Variants in MUC22 observed in about 807,000 individuals in gnomAD.
MUC22 encodes the protein mucin 22, also known as mucin-22.
Under a neutral mutation model 40.3 loss-of-function variants are expected in MUC22, and 24 were observed. The observed-to-expected ratio is 0.60, with a 90% CI of 0.43 to 0.84. The LOEUF is 0.84. Among genes scored for constraint, MUC22 ranks in the 40% least tolerant of loss-of-function variants. The pLI is 0.00. For synonymous variants in MUC22, 765 were observed against 844.5 expected (o/e 0.91, Z 1.63); for missense variants, 1,926 against 2,130.7 (o/e 0.90, Z 1.89).
chr6:31,008,038 G>A (rs1394883197), upstream of MUC22, among the ~76,000 whole-genome samples: 3 of 152,186 alleles, frequency 2.0e-5, no homozygotes, highest in Admixed American at 6.5e-5. Context: ...GACAGCTCCA[G>A]AATTTCTATG....
exon 2 of MUC22, chr6:31,025,862 C>T: frequency 1.3e-6 from 2 of 1,535,202 alleles, no homozygotes; most frequent in Middle Eastern, 1.7e-4. Context: ...TTTACTATAG[C>T]CTCCACTACA....
At chr6:31,017,370 C>T (rs1345041103) in intron 1 of MUC22, among the ~76,000 whole-genome samples, 1 of 152,164 alleles carries the variant, frequency 6.6e-6, no homozygotes, top group African/African-American at 2.4e-5. Flanking sequence ...CCAATCAGCA[C>T]CCTGTGTCTA....
At chr6:31,022,558 TAAA>T (rs979149103) in intron 1 of MUC22, among the ~76,000 whole-genome samples, 1 of 151,198 alleles carries the variant, frequency 6.6e-6, no homozygotes, top group Non-Finnish European at 1.5e-5. Flanking sequence ...TGGGTAAAAA[TAAA>T]ATTTTTTTCA....
In MUC22 at chr6:31,027,158, C is replaced by T; in HGVS notation, c.1727C>T (p.Thr576Ile). Residue 576 changes from threonine to isoleucine, a missense_variant, in exon 2 of 4, where the codon ACC (threonine) becomes ATC (isoleucine). This residue lies in a region of MUC22 where 1,281 missense variants were observed against 1,337.8 expected (regional missense o/e 0.96). Transcript: ENST00000561890. ...GTCTCCACTGCAAGCTCTGAGGTGA[C>T]CACAGTCTTTGCTGCAGGCTCTGAG... 3 of 1,500,864 alleles carry T rather than the reference C, an allele frequency of 2.0e-6. 1 individual carries two copies. Among genetic ancestry groups the T allele is most frequent in the Non-Finnish European group, 2.7e-6 (3 of 1,124,920 alleles). The allele number at this position is 1,500,864 out of a possible 1,614,324, so 93.0% of individuals were successfully genotyped here.
At chr6:31,035,238 C>G in exon 4 of MUC22, 1 of 407,088 alleles carries the variant, frequency 2.5e-6, no homozygotes, top group South Asian at 5.9e-5. Context: ...GTCTCAGCCT[C>G]TGTTGTGGGG....
At chr6:31,035,117 C>A in exon 4 of MUC22, 1 of 682,658 alleles carries the variant, frequency 1.5e-6, no homozygotes, top group Non-Finnish European at 2.4e-6. Flanking sequence ...AGGATGTGAT[C>A]CATGGAGATG....
In MUC22 at chr6:31,032,903, C is replaced by T. The variant is rs62401674; in HGVS notation, c.5055+322C>T. On this transcript the variant is annotated intron_variant, in intron 3 of 3. Coordinates refer to ENST00000561890, the Ensembl canonical transcript of MUC22. This position sits in a 1 kb window ranked among gnomAD's most constrained non-coding sequence, Gnocchi z 4.1. ...AGAAGCAGCTGGGCGCAGTGGCTCA[C>T]CCCTGTAATTCCAGCACTTTGGAAG... Among the ~76,000 whole-genome samples the T allele has an allele frequency of 0.11, 16,683 of 152,188 alleles. 1,114 individuals are homozygous for T. Among genetic ancestry groups the T allele is most frequent in the Middle Eastern group, 0.17 (51 of 292 alleles).
intron 1 of MUC22, among the ~76,000 whole-genome samples, chr6:31,021,027 G>A (rs1764678558): frequency 9.7e-6 from 1 of 103,284 alleles, no homozygotes; most frequent in Non-Finnish European, 2.2e-5. Flanking sequence ...CTTCTGTGCG[G>A]CCGGAGCCTC....
At chr6:31,006,501 C>T (rs1264460852), upstream of MUC22, among the ~76,000 whole-genome samples, 5 of 152,020 alleles carry the variant, frequency 3.3e-5, no homozygotes, top group Non-Finnish European at 5.9e-5. Flanking sequence ...ATGGTGGATG[C>T]CTGTCATTGT....
rs3084519 is a variant in MUC22 at position 31,020,441 on chromosome 6, C to CTTTTTTTTTT, written c.71-5051_71-5042dup. Among the ~76,000 whole-genome samples the CTTTTTTTTTT allele has an allele frequency of 3.4e-3, 430 of 126,632 alleles. 15 individuals carry two copies. The highest frequency in any genetic ancestry group is 0.017 in the East Asian group (68 of 3,994). The allele number at this position is 126,632 out of a possible 152,430, so 83.1% of individuals were successfully genotyped here. On this transcript the variant is annotated intron_variant, in intron 1 of 3. Transcript: ENST00000561890. Reference sequence around the variant, plus strand: ...GAAGACCTTGCCTCCTGGAAATTGACTTTTTTTTTTTTTTTTTTTGATACG... The same window carrying CTTTTTTTTTT: ...GAAGACCTTGCCTCCTGGAAATTGACTTTTTTTTTTTTTTTTTTTTTTTTTTTTTGATACG...
upstream of MUC22, among the ~76,000 whole-genome samples, chr6:31,008,677 T>A (rs1763672493): frequency 6.6e-6 from 1 of 151,260 alleles, no homozygotes; most frequent in African/African-American, 2.4e-5. Context: ...GCCTCCCAAG[T>A]AGCTGGGATT....
exon 2 of MUC22, chr6:31,027,941 C>A: frequency 2.0e-6 from 3 of 1,534,916 alleles, no homozygotes; most frequent in Non-Finnish European, 2.6e-6. Context: ...GGGACCACTG[C>A]AGCCTCCACT....
At chr6:31,030,773 C>G (rs1766004939) in intron 2 of MUC22, among the ~76,000 whole-genome samples, 1 of 152,180 alleles carries the variant, frequency 6.6e-6, no homozygotes, top group African/African-American at 2.4e-5. Flanking sequence ...GACACTGCCA[C>G]CTCCTATCAA....
At chr6:31,034,487 AAG>A (rs1361330354) in intron 3 of MUC22, among the ~76,000 whole-genome samples, 183 bp from the exon 4 acceptor site, 1 of 152,212 alleles carries the variant, frequency 6.6e-6, no homozygotes, top group Non-Finnish European at 1.5e-5. Flanking sequence ...CAGACGGAGA[AAG>A]AGTAAAAGAA....
At chr6:31,033,191 G>T (rs1289924184) in intron 3 of MUC22, among the ~76,000 whole-genome samples, 1 of 150,754 alleles carries the variant, frequency 6.6e-6, no homozygotes, top group East Asian at 1.9e-4. Flanking sequence ...GAAAAGAAAG[G>T]TAGGAAGGAA....
chr6:31,028,412 C>T (rs923377790), exon 2 of MUC22: 2 of 1,531,542 alleles, frequency 1.3e-6, no homozygotes, highest in African/African-American at 1.4e-5. Flanking sequence ...GGCTCCGAGA[C>T]CACCACAGCC....
At chr6:31,023,017 C>T (rs150647237) in intron 1 of MUC22, among the ~76,000 whole-genome samples, 137 of 152,156 alleles carry the variant, frequency 9.0e-4, no homozygotes, top group African/African-American at 3.1e-3. Flanking sequence ...GTGGTTCCAG[C>T]TACTCAGGAG....
At chr6:31,016,715 C>T (rs891708837) in intron 1 of MUC22, among the ~76,000 whole-genome samples, 1 of 152,274 alleles carries the variant, frequency 6.6e-6, no homozygotes, top group African/African-American at 2.4e-5. Flanking sequence ...CCTTCAGCCC[C>T]CCGCTGCACT....
exon 2 of MUC22, chr6:31,029,373 G>A (rs1765818827): frequency 6.5e-7 from 1 of 1,535,010 alleles, no homozygotes. Context: ...AAGGCTCTGA[G>A]ACAACCACAG....
Sources: allele counts gnomAD v4.1 joint callset (sites outside exome capture counted in the v4.1 genomes callset), GRCh38; gene constraint gnomAD v4.1.1; regional missense constraint gnomAD v4.1.1; non-coding constraint Gnocchi (gnomAD v3.1); transcripts MANE v1.5; gene names NCBI Gene and HGNC (gene_info 2026-07-23, HGNC 2026-07-21).